TASOR: variants seen among roughly 807,000 people sequenced by gnomAD.
TASOR encodes the protein transcription activation suppressor.
A neutral mutation model predicts 178.6 loss-of-function variants in TASOR; 53 were observed. That is an observed-to-expected ratio of 0.30 (90% CI 0.24 to 0.37). TASOR has a LOEUF of 0.37. TASOR is among the 10% of genes least tolerant of loss of function. The pLI is 1.00. For synonymous variants in TASOR, 713 were observed against 696.2 expected (o/e 1.02, Z -0.38); for missense variants, 1,815 against 1,971.4 (o/e 0.92, Z 1.50).
chr3:56,653,699 C>T (rs1184263470), intron 11 of TASOR, among the ~76,000 whole-genome samples: 4 of 151,910 alleles, frequency 2.6e-5, no homozygotes, highest in African/African-American at 9.7e-5. Flanking sequence ...TTAGTCTCAA[C>T]AAATTTCAAA....
Position 56,647,073 on chromosome 3 carries a change from T to A in TASOR, c.1664A>T (p.Glu555Val), listed in dbSNP as rs1457404014. 2 of 1,607,110 alleles carry A rather than the reference T, an allele frequency of 1.2e-6. No homozygotes were observed. Among genetic ancestry groups the A allele is most frequent in the Non-Finnish European group, 1.7e-6 (2 of 1,178,428 alleles). The change falls in exon 14 of 24, where the codon GAA becomes GTA. Residue 555 changes from glutamate to valine, a missense_variant. By Grantham distance (121) the Glu-to-Val change is moderately radical. Coordinates refer to ENST00000683822, the MANE Select transcript of TASOR (RefSeq NM_001365635.2). Reference protein sequence around the residue: ...ISAINFHSVVEKYVSEFFKRG... With the variant: ...ISAINFHSVVVKYVSEFFKRG... ...CTTAAAAAATTCACTTACATACTTT[T>A]CAACAACAGAATGAAAATTTATGGC...
At chr3:56,658,916 AAG>A (rs369022860) in intron 11 of TASOR, among the ~76,000 whole-genome samples, 2 of 149,356 alleles carry the variant, frequency 1.3e-5, no homozygotes, top group South Asian at 4.3e-4. Context: ...TCAAAAAAAA[AAG>A]AGAGAGAGAC....
intron 1 of TASOR, among the ~76,000 whole-genome samples, chr3:56,675,113 C>G (rs781729380): frequency 1.3e-5 from 2 of 151,880 alleles, no homozygotes; most frequent in African/African-American, 2.4e-5. Context: ...CATGAGCCAC[C>G]GTGCCCAGCC....
chr3:56,633,996 G>A (rs1184827523), intron 17 of TASOR, 30 bp from the exon 18 acceptor site: 2 of 1,461,964 alleles, frequency 1.4e-6, no homozygotes, highest in Admixed American at 2.7e-5. Context: ...TATTATAAGA[G>A]CAATCCAAAA....
chr3:56,659,562 A>C (rs1226706195), intron 11 of TASOR, among the ~76,000 whole-genome samples: 1 of 152,078 alleles, frequency 6.6e-6, no homozygotes, highest in Non-Finnish European at 1.5e-5. Flanking sequence ...TTCTTGTATC[A>C]TTACCTTGTC....
chr3:56,673,726 C>A lies in TASOR; in HGVS notation c.332-1G>T. 6.5e-7 allele frequency: 1 copy of A among 1,535,446 alleles called. No individual in the cohort carries two copies. ...CCTGGAGTTAATGGCTGGAAAAGTG[C>A]TAAAATAAAAAAACAAACATTTAAA... On this transcript the variant is annotated splice_acceptor_variant, in intron 1 of 23. Transcript: ENST00000683822. LOFTEE classifies it high-confidence loss of function.
At position 56,647,013 on chromosome 3, in the gene TASOR, A is replaced by G. The variant is rs768237018; in HGVS notation, c.1724T>C (p.Met575Thr). The change falls in exon 14 of 24, where the codon ATG (methionine) becomes ACG (threonine). Residue 575 changes from methionine (M) to threonine (T), a missense_variant. Met to Thr is a moderately conservative substitution (Grantham distance 81). This residue lies in a region of TASOR where 504 missense variants were observed against 645.3 expected (regional missense o/e 0.78). Transcript: ENST00000683822. ...GFGSGKREFI[M>T]FPYDSRLDDK... is the part of the protein sequence containing the mutation. ...ATCTAATCGTGAATCATATGGAAAC[A>G]TAATAAACTCTCGTTTACCTGAACC... is the stretch of plus-strand genomic sequence containing the variant. 4 of 1,603,088 alleles carry G rather than the reference A, an allele frequency of 2.5e-6. No individual in the cohort carries two copies. Among genetic ancestry groups the G allele is most frequent in the South Asian group, 1.1e-5 (1 of 88,064 alleles).
chr3:56,648,889 A>G lies in TASOR; in HGVS notation c.1446T>C (p.Tyr482=), dbSNP rs189920037. 196 of 1,611,432 alleles carry G rather than the reference A, an allele frequency of 1.2e-4. No homozygotes were observed. The East Asian group carries it at 4.0e-3, about 33-fold the overall frequency. ...GTAGGACTCGAGACTTGGCAGTCTG[A>G]TATTCTAAAAAACAGAAGCCAAACT... is the stretch of plus-strand genomic sequence containing the variant. ...SPYQMVPPYE[Y]QTAKSRVLHA... The change falls in exon 13 of 24, where the codon TAT becomes TAC. Residue 482 remains tyrosine (Y), a synonymous_variant. Coordinates refer to ENST00000683822, the MANE Select transcript of TASOR (RefSeq NM_001365635.2).
chr3:56,675,917 A>G (rs1418819273), intron 1 of TASOR, among the ~76,000 whole-genome samples: 1 of 152,244 alleles, frequency 6.6e-6, no homozygotes, highest in African/African-American at 2.4e-5. Flanking sequence ...AAGTGTCTGT[A>G]AAAACGTAGT....
In TASOR at chr3:56,623,083, C is replaced by T. The variant is rs1213523114; in HGVS notation, c.4967G>A (p.Ser1656Asn). 6.2e-7 allele frequency: 1 copy of T among 1,606,366 alleles called. No homozygotes were observed. Among genetic ancestry groups the T allele is most frequent in the South Asian group, 1.1e-5 (1 of 88,668 alleles). Reference sequence around the variant, plus strand: ...CCTGGAAGAATCACTTTTCCCCCAACTTAAGGGAGGTGGAGATTTATCTCT... The same window carrying T: ...CCTGGAAGAATCACTTTTCCCCCAATTTAAGGGAGGTGGAGATTTATCTCT... The part of the protein sequence containing the change: ...LDRDKSPPPL[S>N]WGKSDSSRPY... Residue 1656 changes from serine (S) to asparagine (N), a missense_variant, in exon 24 of 24, where the codon AGT becomes AAT. Ser to Asn is a conservative substitution (Grantham distance 46). Around this residue, in one of 5 missense-constraint regions of TASOR, gnomAD observed 278 missense variants for 257.1 expected, o/e 1.08. Coordinates refer to ENST00000683822, the MANE Select transcript of TASOR (RefSeq NM_001365635.2).
chr3:56,647,990 G>A (rs2077270967), intron 13 of TASOR, among the ~76,000 whole-genome samples: 1 of 152,034 alleles, frequency 6.6e-6, no homozygotes, highest in African/African-American at 2.4e-5. Context: ...CTTCAGGCCA[G>A]GAGTTCAAGA....
chr3:56,641,645 A>T lies in TASOR; in HGVS notation c.2323T>A (p.Leu775Ile), dbSNP rs771924147. ...CGCGCATTTGCTAGTGTTTCTGATA[A>T]CCAATTAAACAGCCTATGGATGTCA... ...IADIHRLFNW[L>I]SETLANARHS... The change falls in exon 15 of 24, where the codon TTA (leucine) becomes ATA (isoleucine). Residue 775 changes from leucine (L) to isoleucine (I), a missense_variant. This residue lies in a region of TASOR where 655 missense variants were observed against 671.1 expected (regional missense o/e 0.98). Transcript: ENST00000683822. 7 of 1,614,196 alleles carry T rather than the reference A, an allele frequency of 4.3e-6. No homozygotes were observed. Among genetic ancestry groups the T allele is most frequent in the Non-Finnish European group, 5.9e-6 (7 of 1,180,036 alleles).
At chr3:56,625,080 A>G in intron 21 of TASOR, 74 bp from the exon 22 acceptor site, 1 of 1,461,060 alleles carries the variant, frequency 6.8e-7, no homozygotes, top group Non-Finnish European at 9.4e-7. Context: ...CTTTAGATTA[A>G]AATTCAATTT....
At chr3:56,658,378 T>C (rs1199723503) in intron 11 of TASOR, among the ~76,000 whole-genome samples, 5 of 152,226 alleles carry the variant, frequency 3.3e-5, no homozygotes, top group Admixed American at 2.0e-4. Flanking sequence ...AAAGATATTG[T>C]AATTTTCTGA....
rs886321015 is a variant in TASOR, at chr3:56,642,964, A to C, written c.2216-1212T>G. Among the ~76,000 whole-genome samples the C allele has an allele frequency of 4.6e-5, 7 of 152,016 alleles. 1 individual carries two copies. The highest frequency in any genetic ancestry group is 1.3e-4 in the Admixed American group (2 of 15,260). On this transcript the variant is annotated intron_variant, in intron 14 of 23. Coordinates refer to ENST00000683822, the MANE Select transcript of TASOR (RefSeq NM_001365635.2). ...GCACTCCAGCCTGGGCAACAGAGCG[A>C]GACTCCATCACCAAAAAAAAAAATT...
At chr3:56,652,141 A>T (rs2077365116) in intron 11 of TASOR, among the ~76,000 whole-genome samples, 1 of 152,244 alleles carries the variant, frequency 6.6e-6, no homozygotes, top group Non-Finnish European at 1.5e-5. Context: ...CCATAGAGAC[A>T]GAAGTAGATT....
chr3:56,668,661 A>C, intron 5 of TASOR, 103 bp from the exon 6 acceptor site: 1 of 895,578 alleles, frequency 1.1e-6, no homozygotes, highest in South Asian at 2.0e-5. Flanking sequence ...AACTATCCCA[A>C]CCATTTTTTC....
At chr3:56,671,398 A>G in intron 3 of TASOR, 1 of 489,476 alleles carries the variant, frequency 2.0e-6, no homozygotes, top group Non-Finnish European at 3.6e-6. Flanking sequence ...TAGGGGAAGA[A>G]AATAGGACTG....
At position 56,621,572 on chromosome 3, in the gene TASOR, T is replaced by A. The variant is rs770110705; in HGVS notation, c.*1465A>T. The A allele has an allele frequency of 6.2e-7, 1 of 1,602,800 alleles. No homozygotes were observed. The highest frequency in any genetic ancestry group is 8.5e-7 in the Non-Finnish European group (1 of 1,175,254). On this transcript the variant is annotated 3_prime_UTR_variant, in exon 24 of 24. Transcript: ENST00000683822. ...CAAAAGGAGTTGGAAAGTAGTCTCC[T>A]GCCTTTAGCTGAAAATCAAGAAGAG...
Sources: allele counts gnomAD v4.1 joint callset (sites outside exome capture counted in the v4.1 genomes callset), GRCh38; gene constraint gnomAD v4.1.1; regional missense constraint gnomAD v4.1.1; transcripts MANE v1.5; gene names NCBI Gene and HGNC (gene_info 2026-07-23, HGNC 2026-07-21).